The following MAST4 variants were observed in gnomAD, a reference collection of about 807,000 sequenced individuals.
The protein encoded by MAST4 is microtubule associated serine/threonine kinase family member 4, also known as microtubule-associated serine/threonine-protein kinase 4.
In MAST4, 89 loss-of-function variants were observed where a neutral mutation model predicts 162.7. That is an observed-to-expected ratio of 0.55 (90% CI 0.46 to 0.65). The LOEUF is 0.65. MAST4 is among the 30% of genes least tolerant of loss of function. The pLI is 0.00. For missense variants in MAST4, 3,153 were observed against 3,374.0 expected (o/e 0.93, Z 1.62); for synonymous variants, 1,479 against 1,361.1 (o/e 1.09, Z -1.91).
intron 1 of MAST4, among the ~76,000 whole-genome samples, chr5:66,677,206 A>G (rs1748005355): frequency 6.6e-6 from 1 of 152,178 alleles, no homozygotes; most frequent in South Asian, 2.1e-4. Flanking sequence ...TTCTCTAGCA[A>G]TAGTATTTAT....
intron 3 of MAST4, among the ~76,000 whole-genome samples, chr5:66,842,170 A>T (rs1005913338): frequency 1.3e-5 from 2 of 152,200 alleles, no homozygotes; most frequent in Non-Finnish European, 2.9e-5. Context: ...GGAGTTGCTA[A>T]TGTGGAACCA....
chr5:66,986,995 T>G (rs1184343771), intron 4 of MAST4, among the ~76,000 whole-genome samples: 1 of 152,178 alleles, frequency 6.6e-6, no homozygotes, highest in African/African-American at 2.4e-5. Context: ...AAGTGTAAGA[T>G]TATATAAACT....
intron 3 of MAST4, among the ~76,000 whole-genome samples, chr5:66,838,811 G>A (rs957305523): frequency 6.6e-6 from 1 of 152,322 alleles, no homozygotes; most frequent in East Asian, 1.9e-4. Flanking sequence ...AATAGTGCAT[G>A]TGGGAAGCAG....
intron 1 of MAST4, among the ~76,000 whole-genome samples, chr5:66,754,285 A>C (rs1465877124): frequency 6.6e-6 from 1 of 152,220 alleles, no homozygotes; most frequent in Non-Finnish European, 1.5e-5. Context: ...GATACAGTTA[A>C]AAAGTTCAAT....
chr5:66,868,195 TG>T (rs1397992161), intron 3 of MAST4, among the ~76,000 whole-genome samples: 2 of 152,170 alleles, frequency 1.3e-5, no homozygotes, highest in Non-Finnish European at 2.9e-5. Context: ...GTTTAGAGTT[TG>T]TACCTTTCTT....
intron 1 of MAST4, among the ~76,000 whole-genome samples, chr5:66,691,124 C>T (rs1275778881): frequency 6.6e-6 from 1 of 152,080 alleles, no homozygotes; most frequent in African/African-American, 2.4e-5. Flanking sequence ...AATGGTGGAG[C>T]TGGAATTGCT....
chr5:66,899,710 G>A (rs1652885539), intron 3 of MAST4, among the ~76,000 whole-genome samples: 1 of 152,192 alleles, frequency 6.6e-6, no homozygotes, highest in South Asian at 2.1e-4. Context: ...GCTTTGGGAA[G>A]ATTGATGGTT....
chr5:66,677,254 C>T (rs35948099), intron 1 of MAST4, among the ~76,000 whole-genome samples: 15,462 of 152,210 alleles, frequency 0.1, 914 homozygotes, highest in Admixed American at 0.16. Flanking sequence ...GCTTGCAGCA[C>T]GATTAGAAAA....
chr5:66,811,819 A>T (rs1580511198), intron 3 of MAST4, among the ~76,000 whole-genome samples: 1 of 144,876 alleles, frequency 6.9e-6, no homozygotes, highest in Non-Finnish European at 1.6e-5. Context: ...AGGTTTTTGG[A>T]TGCTTTCCTC....
intron 4 of MAST4, among the ~76,000 whole-genome samples, chr5:67,051,787 C>T (rs1320524613): frequency 6.6e-6 from 1 of 152,090 alleles, no homozygotes; most frequent in African/African-American, 2.4e-5. Flanking sequence ...ATTCATAAGG[C>T]GAAGACCCCA....
chr5:66,816,878 C>T (rs1420071226), intron 3 of MAST4, among the ~76,000 whole-genome samples: 1 of 152,100 alleles, frequency 6.6e-6, no homozygotes, highest in Non-Finnish European at 1.5e-5. Flanking sequence ...TTTAATTGGC[C>T]TGTTTGTGGC....
At chr5:66,615,064 G>A (rs947414373) in intron 1 of MAST4, among the ~76,000 whole-genome samples, 1 of 152,206 alleles carries the variant, frequency 6.6e-6, no homozygotes, top group Non-Finnish European at 1.5e-5. Flanking sequence ...GAAGCAGTTT[G>A]AAGTTGAGGC....
chr5:66,780,942 C>A (rs1754843162), intron 2 of MAST4, among the ~76,000 whole-genome samples: 2 of 152,226 alleles, frequency 1.3e-5, no homozygotes, highest in African/African-American at 4.8e-5. Context: ...CAGGAAGGTC[C>A]AGCTGGCTTC....
chr5:66,827,558 A>T (rs1757330733), intron 3 of MAST4, among the ~76,000 whole-genome samples: 1 of 152,234 alleles, frequency 6.6e-6, no homozygotes, highest in Non-Finnish European at 1.5e-5. Flanking sequence ...ACAGACAGAA[A>T]GAGATGGAAA....
At chr5:66,998,981 G>C (rs1455399294) in intron 4 of MAST4, among the ~76,000 whole-genome samples, 1 of 152,210 alleles carries the variant, frequency 6.6e-6, no homozygotes, top group Non-Finnish European at 1.5e-5. Flanking sequence ...TAGGTTTTCT[G>C]TTTGCCGGGT....
At chr5:67,141,550 C>T (rs1255117775) in intron 19 of MAST4, among the ~76,000 whole-genome samples, 1 of 152,108 alleles carries the variant, frequency 6.6e-6, no homozygotes, top group African/African-American at 2.4e-5. Flanking sequence ...ATTTTGGAGA[C>T]ATTAAAAGTC....
intron 2 of MAST4, among the ~76,000 whole-genome samples, chr5:66,785,113 C>T (rs1356975005): frequency 6.6e-6 from 1 of 152,152 alleles, no homozygotes; most frequent in African/African-American, 2.4e-5. Context: ...TGCCTGTAAT[C>T]CCAGCTACTT....
intron 1 of MAST4, among the ~76,000 whole-genome samples, chr5:66,750,735 G>A (rs528634925): frequency 4.8e-4 from 73 of 152,214 alleles, no homozygotes; most frequent in Non-Finnish European, 9.4e-4. Context: ...ACCCGCCATT[G>A]CCCAGGCTTG....
At chr5:67,080,588 A>G (rs2545396) in intron 5 of MAST4, among the ~76,000 whole-genome samples, 42,689 of 152,026 alleles carry the variant, frequency 0.28, 6,265 homozygotes, top group African/African-American at 0.36. Flanking sequence ...AGGACCGGAA[A>G]GGCCATGTTC....
Sources: gnomAD v4.1 joint callset for allele counts (sites outside exome capture counted in the v4.1 genomes callset) on GRCh38, gnomAD v4.1.1 for gene constraint, MANE v1.5 for transcripts, NCBI Gene and HGNC (gene_info 2026-07-23, HGNC 2026-07-21) for gene names.